The following HDAC2 variants were observed in gnomAD, a reference collection of about 807,000 sequenced individuals.
The protein encoded by HDAC2 is histone deacetylase 2.
In HDAC2, 5 loss-of-function variants were observed where a neutral mutation model predicts 68.5. The observed-to-expected ratio is 0.07, with a 90% confidence interval of 0.04 to 0.15. The LOEUF (loss-of-function observed/expected upper bound fraction) is 0.15, where lower values mean the gene tolerates loss of function less well. Among genes scored for constraint, HDAC2 ranks in the 10% least tolerant of loss-of-function variants. The pLI is 1.00. For synonymous variants in HDAC2, 182 were observed against 191.3 expected (o/e 0.95, Z 0.40); for missense variants, 291 against 600.8 (o/e 0.48, Z 5.39).
chr6:113,940,801 T>A lies in HDAC2; in HGVS notation c.*257A>T, dbSNP rs921092353. On this transcript the variant is annotated 3_prime_UTR_variant, in exon 14 of 14. Coordinates refer to ENST00000519065, the MANE Select transcript of HDAC2 (RefSeq NM_001527.4). ...GCCAATTACTTCTTTAATAGATCAG[T>A]TTTTTTGACATAATAACTCACATCA... The A allele has an allele frequency of 2.9e-6, 1 of 343,290 alleles. No homozygotes were observed. Among genetic ancestry groups the A allele is most frequent in the Non-Finnish European group, 5.2e-6 (1 of 190,610 alleles). The allele number at this position is 343,290 out of a possible 1,614,324, so 21.3% of individuals were successfully genotyped here. A position where few individuals can be genotyped will look rare whatever the true frequency, so the allele number is the denominator to read the frequency against.
intron 1 of HDAC2, among the ~76,000 whole-genome samples, chr6:113,966,188 A>C (rs1776812751): frequency 6.6e-6 from 1 of 152,156 alleles, no homozygotes; most frequent in Admixed American, 6.5e-5. Flanking sequence ...CACCCATCCT[A>C]CCTAAATGTA....
rs374353809 is a variant in HDAC2 at position 113,949,180 on chromosome 6, C to G, written c.720G>C (p.Gln240His). ...CAATAATACTTACAGGCTTAAATAT[C>G]TGCCCATATGACTCATCATCTATAC... Reference protein sequence around the residue: ...RDGIDDESYGQIFKPIISKVM... With the variant: ...RDGIDDESYGHIFKPIISKVM... Residue 240 changes from glutamine to histidine, a missense_variant, in exon 7 of 14, where the codon CAG (glutamine) becomes CAC (histidine). This residue lies in a region of HDAC2 where 154 missense variants were observed against 472.1 expected (regional missense o/e 0.33). Transcript: ENST00000519065. 3 of 1,607,678 alleles carry G rather than the reference C, an allele frequency of 1.9e-6. No individual in the cohort carries two copies. The highest frequency in any genetic ancestry group is 1.3e-5 in the African/African-American group (1 of 74,782).
intron 1 of HDAC2, among the ~76,000 whole-genome samples, chr6:113,967,997 GTT>G (rs1001984644): frequency 1.6e-4 from 25 of 152,248 alleles, no homozygotes; most frequent in African/African-American, 5.8e-4. Context: ...TGGGACCAAC[GTT>G]TCAGTGACCT....
chr6:113,948,440 G>C (rs1420215372), intron 8 of HDAC2: 1 of 152,650 alleles, frequency 6.6e-6, no homozygotes, highest in Non-Finnish European at 1.5e-5. Flanking sequence ...TGAGACACCA[G>C]TAGTTCAGCA....
intron 8 of HDAC2, chr6:113,947,766 T>C (rs773495690): frequency 2.0e-5 from 3 of 152,156 alleles, no homozygotes; most frequent in Non-Finnish European, 2.9e-5. Context: ...CCACTTAACA[T>C]AGAATAACAG....
At chr6:113,970,359 G>T in intron 1 of HDAC2, 1 of 647,868 alleles carries the variant, frequency 1.5e-6, no homozygotes, top group African/African-American at 2.0e-5. Context: ...GAGGGAAGGG[G>T]ACGGGAGGGG....
intron 11 of HDAC2, among the ~76,000 whole-genome samples, chr6:113,944,056 G>A (rs1776210399): frequency 6.6e-6 from 1 of 152,062 alleles, no homozygotes; most frequent in South Asian, 2.1e-4. Context: ...GCTAATTTTT[G>A]AAAACTTTCA....
rs929861176 is a variant in HDAC2 at position 113,940,237 on chromosome 6, G to A, written c.*821C>T. ...GTTTATTTCCTTGAGTTAGAAACCT[G>A]GATGTCACGTAAATAATAATGGAAC... On this transcript the variant is annotated 3_prime_UTR_variant, in exon 14 of 14. Transcript: ENST00000519065. 1 of 152,156 alleles carries A rather than the reference G, an allele frequency of 6.6e-6. No homozygotes were observed. Among genetic ancestry groups the A allele is most frequent in the African/African-American group, 2.4e-5 (1 of 41,422 alleles). The allele number at this position is 152,156 out of a possible 1,614,324, so 9.4% of individuals were successfully genotyped here.
intron 1 of HDAC2, among the ~76,000 whole-genome samples, chr6:113,961,116 G>A (rs1562148367): frequency 1.3e-5 from 2 of 152,076 alleles, no homozygotes; most frequent in Admixed American, 1.3e-4. Flanking sequence ...TCCCCACAGG[G>A]TCAGGACAGT....
rs1408136149 is a variant in HDAC2 at position 113,941,212 on chromosome 6, AGT to A, written c.1437-126_1437-125del. On this transcript the variant is annotated intron_variant, in intron 13 of 13. Transcript: ENST00000519065. ...AAACACATTAATTGATAATGTCTTA[AGT>A]GTTTCTGGAGTAATTAATGCCTTAA... 3 of 627,278 alleles carry A rather than the reference AGT, an allele frequency of 4.8e-6. No individual in the cohort carries two copies. The African/African-American group carries it at 5.6e-5, about 12-fold the overall frequency. 38.9% of individuals were successfully genotyped at this position (627,278 alleles called of 1,614,324 possible).
In HDAC2 at chr6:113,935,723, TAATA is replaced by T. The variant is rs1454973957; in HGVS notation, c.*5331_*5334del. 6.6e-6 allele frequency: 1 copy of T among 152,200 alleles called. No homozygotes were observed. Among genetic ancestry groups the T allele is most frequent in the Non-Finnish European group, 1.5e-5 (1 of 68,028 alleles). 9.4% of individuals were successfully genotyped at this position (152,200 alleles called of 1,614,324 possible). On this transcript the variant is annotated 3_prime_UTR_variant, in exon 14 of 14. Coordinates refer to ENST00000519065, the MANE Select transcript of HDAC2 (RefSeq NM_001527.4). ...TTAACATTTAGAGTAAAAACAATCT[TAATA>T]AAAAGAGCAAATAACAGAATCTAAT...
intron 12 of HDAC2, among the ~76,000 whole-genome samples, chr6:113,942,867 T>G (rs973936301): frequency 6.6e-5 from 10 of 152,164 alleles, no homozygotes; most frequent in Admixed American, 2.0e-4. Flanking sequence ...CCCTCCTAGC[T>G]TTCCTCAGAG....
chr6:113,944,880 G>C (rs538569179), intron 10 of HDAC2, among the ~76,000 whole-genome samples: 1 of 152,260 alleles, frequency 6.6e-6, no homozygotes, highest in Non-Finnish European at 1.5e-5. Flanking sequence ...CATACAGCTT[G>C]TTTGTGGTAC....
At chr6:113,947,490 G>GA (rs1477401715) in intron 8 of HDAC2, 1 of 152,086 alleles carries the variant, frequency 6.6e-6, no homozygotes, top group Admixed American at 6.5e-5. Flanking sequence ...TCTATTAGCT[G>GA]AAATACAAAG....
In HDAC2 at chr6:113,940,727, A is replaced by T; in HGVS notation, c.*331T>A. 2 of 219,780 alleles carry T rather than the reference A, an allele frequency of 9.1e-6. No individual in the cohort carries two copies. Among genetic ancestry groups the T allele is most frequent in the Non-Finnish European group, 1.8e-5 (2 of 111,396 alleles). The allele number at this position is 219,780 out of a possible 1,614,324, so 13.6% of individuals were successfully genotyped here. ...ACAGACAAAAGATAATCCAAGTACA[A>T]TTTTTTAATAAAGATAATTACAAAA... On this transcript the variant is annotated 3_prime_UTR_variant, in exon 14 of 14. Coordinates refer to ENST00000519065, the MANE Select transcript of HDAC2 (RefSeq NM_001527.4).
intron 12 of HDAC2, 95 bp downstream of exon 12, chr6:113,943,256 C>T: frequency 2.2e-6 from 2 of 901,242 alleles, no homozygotes; most frequent in Non-Finnish European, 3.4e-6. Flanking sequence ...CTCCTGATAC[C>T]TGTGCAACTG....
intron 2 of HDAC2, chr6:113,959,687 A>C: frequency 3.4e-6 from 1 of 292,872 alleles, no homozygotes; most frequent in Non-Finnish European, 6.2e-6. Flanking sequence ...AGCCTAGGGT[A>C]GGGGGAACTT....
In HDAC2 at chr6:113,935,512, G is replaced by C. The variant is rs1582470262; in HGVS notation, c.*5546C>G. 6.6e-6 allele frequency: 1 copy of C among 152,148 alleles called. No homozygotes were observed. The highest frequency in any genetic ancestry group is 1.9e-4 in the East Asian group (1 of 5,190). 9.4% of individuals were successfully genotyped at this position (152,148 alleles called of 1,614,324 possible). On this transcript the variant is annotated 3_prime_UTR_variant, in exon 14 of 14. Coordinates refer to ENST00000519065, the MANE Select transcript of HDAC2 (RefSeq NM_001527.4). ...AAAAGATGACTAGTAGAGGATACAA[G>C]AGAAGCTGGAAGCTACTGATTTATC...
In HDAC2 at chr6:113,938,502, A is replaced by G. The variant is rs1776056997; in HGVS notation, c.*2556T>C. Reference sequence around the variant, plus strand: ...GGCCTTCTTCAATCCATTTGCTTTAAGAGTTTAGGTTTTTGGTAGTTTTAT... The same window carrying G: ...GGCCTTCTTCAATCCATTTGCTTTAGGAGTTTAGGTTTTTGGTAGTTTTAT... On this transcript the variant is annotated 3_prime_UTR_variant, in exon 14 of 14. Transcript: ENST00000519065. 6.6e-6 allele frequency: 1 copy of G among 152,122 alleles called. No homozygotes were observed. The highest frequency in any genetic ancestry group is 6.5e-5 in the Admixed American group (1 of 15,280). 9.4% of individuals were successfully genotyped at this position (152,122 alleles called of 1,614,324 possible). A position where few individuals can be genotyped will look rare whatever the true frequency, so the allele number is the denominator to read the frequency against.
Sources: allele counts gnomAD v4.1 joint callset (sites outside exome capture counted in the v4.1 genomes callset), GRCh38; gene constraint gnomAD v4.1.1; regional missense constraint gnomAD v4.1.1; transcripts MANE v1.5; gene names NCBI Gene and HGNC (gene_info 2026-07-23, HGNC 2026-07-21).